SASH1: variants seen among roughly 807,000 people sequenced by gnomAD.
SASH1 encodes SAM and SH3 domain containing 1, also known as SAM and SH3 domain-containing protein 1.
A neutral mutation model predicts 125.2 loss-of-function variants in SASH1; 44 were observed. The ratio of observed to expected loss-of-function variants is 0.35; its 90% CI spans 0.28 to 0.45. The LOEUF is 0.45. Among genes scored for constraint, SASH1 ranks in the 20% least tolerant of loss-of-function variants. SASH1 has a pLI of 1.00. For missense variants in SASH1, 1,426 were observed against 1,614.5 expected (o/e 0.88, Z 2.00); for synonymous variants, 639 against 649.1 (o/e 0.98, Z 0.24).
At chr6:148,286,040 T>G (rs1277412215) in intron 1 of SASH1, among the ~76,000 whole-genome samples, 1 of 152,128 alleles carries the variant, frequency 6.6e-6, no homozygotes, top group African/African-American at 2.4e-5. Context: ...ATGATTCTCC[T>G]CTAAAGAATG....
At chr6:148,299,560 G>C (rs1035504294) in intron 1 of SASH1, among the ~76,000 whole-genome samples, 2 of 151,490 alleles carry the variant, frequency 1.3e-5, no homozygotes, top group South Asian at 4.2e-4. Flanking sequence ...CCAGCTACTC[G>C]GGGGGCTCAG....
At chr6:148,324,597 C>G (rs928004489) in intron 1 of SASH1, among the ~76,000 whole-genome samples, 2 of 152,196 alleles carry the variant, frequency 1.3e-5, no homozygotes, top group Non-Finnish European at 2.9e-5. Flanking sequence ...CTGTCTTCCT[C>G]CAAGTTCTCA....
chr6:148,362,445 A>G (rs1337133523), intron 1 of SASH1, among the ~76,000 whole-genome samples: 3 of 152,072 alleles, frequency 2.0e-5, no homozygotes, highest in Non-Finnish European at 4.4e-5. Context: ...GGACTGAGCA[A>G]TGAGGAAGAG....
rs756607756 is a variant in SASH1, at chr6:148,440,397, G to T, written c.376G>T (p.Val126Leu). ...GFCSAVSTPE[V>L]ERKNPLHKSN... ...CTGTAGCGCCGTGTCAACCCCAGAA[G>T]TGGAAAGAAAGTAAGTCTTTCTCCC... Residue 126 changes from valine to leucine, a missense_variant, in exon 4 of 20, where the codon GTG (valine) becomes TTG (leucine). Val to Leu is a conservative substitution (Grantham distance 32). Transcript: ENST00000367467. The T allele has an allele frequency of 2.0e-5, 33 of 1,613,776 alleles. No homozygotes were observed. In the East Asian group the frequency reaches 7.1e-4, roughly 35 times the overall value.
chr6:148,526,689 AAG>A (rs1781180598), intron 11 of SASH1, among the ~76,000 whole-genome samples: 1 of 152,256 alleles, frequency 6.6e-6, no homozygotes, highest in African/African-American at 2.4e-5. Context: ...CTAGCTCTTT[AAG>A]AGAGAGAAAT....
intron 2 of SASH1, among the ~76,000 whole-genome samples, chr6:148,416,446 T>C (rs1326319708): frequency 1.3e-5 from 2 of 152,220 alleles, no homozygotes; most frequent in Non-Finnish European, 2.9e-5. Context: ...CAAGTTTTGC[T>C]CAACTGTTAG....
chr6:148,476,840 C>T (rs1217749549), intron 7 of SASH1, among the ~76,000 whole-genome samples: 1 of 152,124 alleles, frequency 6.6e-6, no homozygotes, highest in Non-Finnish European at 1.5e-5. Flanking sequence ...GTAACCAAAA[C>T]AGCATGGTAC....
At chr6:148,227,311 A>G in the SASH1 span, among the ~76,000 whole-genome samples, 360 of 152,296 alleles carry the variant, frequency 2.4e-3, 3 homozygotes, top group Non-Finnish European at 3.4e-3. Context: ...TCCAACATCT[A>G]GAACAGTTTA....
chr6:148,231,229 A>G, the SASH1 span, among the ~76,000 whole-genome samples: 1 of 152,214 alleles, frequency 6.6e-6, no homozygotes, highest in Non-Finnish European at 1.5e-5. Flanking sequence ...ATTTGTTGAA[A>G]TGTCTATTCT....
At position 148,532,524 on chromosome 6, in the gene SASH1, C is replaced by G. The variant is rs142137867; in HGVS notation, c.1565-273C>G. The stretch of plus-strand genomic sequence containing the variant: ...TTAAGAGCAGAGTCTGGTGCCTGGC[C>G]CTGCAGTGTCCTCCACGCGGGATCC... On this transcript the variant is annotated intron_variant, in intron 13 of 19. Coordinates refer to ENST00000367467, the MANE Select transcript of SASH1 (RefSeq NM_015278.5). The surrounding 1 kb of genome is among the most constrained non-coding windows in gnomAD (Gnocchi z 4.7). Among the ~76,000 whole-genome samples, 42 of 152,216 alleles carry G rather than the reference C, an allele frequency of 2.8e-4. 1 individual carries two copies. Among genetic ancestry groups the G allele is most frequent in the African/African-American group, 9.6e-4 (40 of 41,524 alleles).
intron 1 of SASH1, among the ~76,000 whole-genome samples, chr6:148,293,105 A>G (rs767339931): frequency 7.2e-5 from 11 of 151,862 alleles, no homozygotes; most frequent in Admixed American, 1.3e-4. Context: ...AAAGGTGTAT[A>G]AGATCTACCA....
chr6:148,197,733 T>G, the SASH1 span, among the ~76,000 whole-genome samples: 168 of 152,266 alleles, frequency 1.1e-3, no homozygotes, highest in Non-Finnish European at 6.6e-4. Context: ...CCCACCTGAG[T>G]CTTATCTCTA....
At position 148,548,353 on chromosome 6, in the gene SASH1, C is replaced by G; in HGVS notation, c.3539C>G (p.Ser1180Trp). ...AAGCCCGTCTCTCCTGGGTGCATTTCGTCTGTGTCAGATTGGCTCATTTCC... is the reference window on the plus strand; with the variant it reads ...AAGCCCGTCTCTCCTGGGTGCATTTGGTCTGTGTCAGATTGGCTCATTTCC... ...CRKPVSPGCI[S>W]SVSDWLISIG... Residue 1180 changes from serine to tryptophan, a missense_variant, in exon 20 of 20, where the codon TCG becomes TGG. Physicochemically the swap from Ser to Trp is radical, Grantham distance 177 (BLOSUM62 -3). Coordinates refer to ENST00000367467, the MANE Select transcript of SASH1 (RefSeq NM_015278.5). The G allele has an allele frequency of 6.2e-7, 1 of 1,614,170 alleles. No individual in the cohort carries two copies. Among genetic ancestry groups the G allele is most frequent in the South Asian group, 1.1e-5 (1 of 91,074 alleles).
chr6:148,249,050 ATGTT>A, the SASH1 span, among the ~76,000 whole-genome samples: 1 of 151,898 alleles, frequency 6.6e-6, no homozygotes, highest in Non-Finnish European at 1.5e-5. Flanking sequence ...CTCACAGTGA[ATGTT>A]TGATGAATAA....
chr6:148,418,686 G>A (rs1397580985), intron 2 of SASH1, among the ~76,000 whole-genome samples: 1 of 152,138 alleles, frequency 6.6e-6, no homozygotes, highest in Non-Finnish European at 1.5e-5. Flanking sequence ...GATGTTAATG[G>A]TGAGCAACCG....
the SASH1 span, among the ~76,000 whole-genome samples, chr6:148,263,465 A>G: frequency 3.9e-5 from 6 of 152,216 alleles, no homozygotes; most frequent in Admixed American, 1.3e-4. Flanking sequence ...TCTGTGCCTC[A>G]TTGATAATGT....
At chr6:148,527,324 C>A in intron 11 of SASH1, 129 bp from the exon 12 acceptor site, 1 of 791,708 alleles carries the variant, frequency 1.3e-6, no homozygotes, top group Non-Finnish European at 1.9e-6. Flanking sequence ...ACTGAGTTAA[C>A]ACAAGAAAAA....
upstream of SASH1, among the ~76,000 whole-genome samples, chr6:148,338,237 G>T (rs1167020038): frequency 6.6e-6 from 1 of 152,006 alleles, no homozygotes; most frequent in Non-Finnish European, 1.5e-5. Flanking sequence ...GACCAGCCTG[G>T]CCAACATGGT....
the SASH1 span, among the ~76,000 whole-genome samples, chr6:148,206,927 T>C: frequency 0.018 from 2,765 of 152,248 alleles, 36 homozygotes; most frequent in East Asian, 0.06. Flanking sequence ...TGTCCTCTAG[T>C]GTTCCCTGTG....
Sources: allele counts gnomAD v4.1 joint callset (sites outside exome capture counted in the v4.1 genomes callset), GRCh38; gene constraint gnomAD v4.1.1; non-coding constraint Gnocchi (gnomAD v3.1); transcripts MANE v1.5; gene names NCBI Gene and HGNC (gene_info 2026-07-23, HGNC 2026-07-21).